Variants in SLC35B4 observed in about 807,000 individuals in gnomAD.
SLC35B4 encodes the protein nucleotide sugar transporter SLC35B4.
A neutral mutation model predicts 39.5 loss-of-function variants in SLC35B4; 28 were observed. The observed-to-expected ratio is 0.71, with a 90% CI of 0.53 to 0.97. The LOEUF (loss-of-function observed/expected upper bound fraction) is 0.97, where lower values mean the gene tolerates loss of function less well. SLC35B4 is among the 50% of genes least tolerant of loss of function. The pLI, the probability that SLC35B4 is intolerant of heterozygous loss-of-function variation, is 0.00. For synonymous variants in SLC35B4, 145 were observed against 150.4 expected, an observed-to-expected ratio of 0.96 and a Z score of 0.26; for missense variants, 334 against 414.3, an observed-to-expected ratio of 0.81 and a Z score of 1.68.
At chr7:134,317,248 C>T (rs554841454), upstream of SLC35B4, among the ~76,000 whole-genome samples, 3 of 152,350 alleles carry the variant, frequency 2.0e-5, no homozygotes, top group African/African-American at 7.2e-5. Context: ...AACTACAGAG[C>T]TGTGACTGCT....
In SLC35B4 at chr7:134,309,469, C is replaced by G; in HGVS notation, c.88G>C (p.Gly30Arg). Residue 30 changes from glycine to arginine, a missense_variant, in exon 2 of 10, where the codon GGA becomes CGA. Coordinates refer to ENST00000378509, the MANE Select transcript of SLC35B4 (RefSeq NM_032826.5). ...GCAAATGTCACAATGTTCCCACATC[C>G]TGGATGCTTCCTGTATAGTGAATAA... ...FLELLARKHP[G>R]CGNIVTFAQF... is the part of the protein sequence containing the mutation. 6.2e-7 allele frequency: 1 copy of G among 1,608,688 alleles called. No individual in the cohort carries two copies. Among genetic ancestry groups the G allele is most frequent in the Non-Finnish European group, 8.5e-7 (1 of 1,178,596 alleles).
intron 1 of SLC35B4, among the ~76,000 whole-genome samples, chr7:134,315,769 A>G (rs1367075461): frequency 6.6e-6 from 1 of 152,196 alleles, no homozygotes; most frequent in Non-Finnish European, 1.5e-5. Flanking sequence ...GTATTGTTTT[A>G]CTGCCAGGAA....
At chr7:134,302,528 A>G (rs939825063) in intron 4 of SLC35B4, among the ~76,000 whole-genome samples, 3 of 152,184 alleles carry the variant, frequency 2.0e-5, no homozygotes, top group Non-Finnish European at 4.4e-5. Flanking sequence ...ACAGGCTATC[A>G]GGTGCAAGCA....
rs1455288166 is a variant in SLC35B4 at position 134,293,298 on chromosome 7, TCA to T, written c.*1533_*1534del. 2.6e-5 allele frequency: 4 copies of T among 152,126 alleles called. No homozygotes were observed. The highest frequency in any genetic ancestry group is 5.9e-5 in the Non-Finnish European group (4 of 68,040). The allele number at this position is 152,126 out of a possible 1,614,324, so 9.4% of individuals were successfully genotyped here. ...GTGCAGCCACTTCCGTGCCCTTTGA[TCA>T]CACACAGACTACACAAGAGCACACA... On this transcript the variant is annotated 3_prime_UTR_variant, in exon 10 of 10. Coordinates refer to ENST00000378509, the MANE Select transcript of SLC35B4 (RefSeq NM_032826.5).
At chr7:134,307,264 T>C (rs1053927047) in intron 2 of SLC35B4, among the ~76,000 whole-genome samples, 5 of 152,108 alleles carry the variant, frequency 3.3e-5, no homozygotes, top group African/African-American at 1.2e-4. Flanking sequence ...GTTTGACTTG[T>C]ACAGATTTTT....
At chr7:134,300,720 C>A (rs1803561416) in intron 6 of SLC35B4, among the ~76,000 whole-genome samples, 2 of 151,882 alleles carry the variant, frequency 1.3e-5, no homozygotes, top group African/African-American at 4.8e-5. Flanking sequence ...TAGGATAAAC[C>A]CTCATAAGTG....
chr7:134,304,990 T>A, intron 3 of SLC35B4, 136 bp from the exon 4 acceptor site: 3 of 686,606 alleles, frequency 4.4e-6, no homozygotes, highest in Non-Finnish European at 7.6e-6. Flanking sequence ...AGTAAAGATT[T>A]AGTTGTTCTT....
rs1488421854 is a variant in SLC35B4 at position 134,292,897 on chromosome 7, A to AACTC, written c.*1932_*1935dup. 6.6e-6 allele frequency: 1 copy of AACTC among 152,160 alleles called. No individual in the cohort carries two copies. The highest frequency in any genetic ancestry group is 1.5e-5 in the Non-Finnish European group (1 of 68,040). The allele number at this position is 152,160 out of a possible 1,614,324, so 9.4% of individuals were successfully genotyped here. The stretch of plus-strand genomic sequence containing the variant: ...CAGAGCAACACATTATTACTCTGTA[A>AACTC]ACTCAGTGATTTAGGTGGAGAAATA... On this transcript the variant is annotated 3_prime_UTR_variant, in exon 10 of 10. Transcript: ENST00000378509.
chr7:134,316,004 T>G (rs967890737), intron 1 of SLC35B4, among the ~76,000 whole-genome samples: 17 of 151,798 alleles, frequency 1.1e-4, no homozygotes, highest in African/African-American at 4.1e-4. Context: ...TTTTTTTTTG[T>G]CTTTTTGCAA....
chr7:134,308,062 A>G (rs189872753), intron 2 of SLC35B4, among the ~76,000 whole-genome samples: 16 of 152,218 alleles, frequency 1.1e-4, no homozygotes, highest in Non-Finnish European at 1.9e-4. Flanking sequence ...ACATGAGCAA[A>G]ATTTTGTTTA....
chr7:134,308,254 G>A (rs1803755498), intron 2 of SLC35B4, among the ~76,000 whole-genome samples: 1 of 152,170 alleles, frequency 6.6e-6, no homozygotes, highest in South Asian at 2.1e-4. Context: ...GAAATTGATG[G>A]ATGAAGAGGT....
chr7:134,301,699 G>A, intron 6 of SLC35B4, 62 bp downstream of exon 6: 1 of 1,459,416 alleles, frequency 6.9e-7, no homozygotes, highest in South Asian at 1.2e-5. Context: ...ATTTCTCTTA[G>A]GAGAAAACTC....
chr7:134,312,980 T>C (rs1803880158), intron 1 of SLC35B4, among the ~76,000 whole-genome samples: 1 of 152,228 alleles, frequency 6.6e-6, no homozygotes, highest in African/African-American at 2.4e-5. Context: ...TTCTTCCTTT[T>C]CCCAGTCCAG....
chr7:134,308,981 T>C (rs550571430), intron 2 of SLC35B4, among the ~76,000 whole-genome samples: 7 of 152,230 alleles, frequency 4.6e-5, no homozygotes, highest in Non-Finnish European at 7.3e-5. Flanking sequence ...ACTACCTCTA[T>C]TTATTTCCAA....
intron 4 of SLC35B4, 118 bp from the exon 5 acceptor site, chr7:134,302,228 G>A (rs1372009486): frequency 6.1e-6 from 5 of 817,990 alleles, no homozygotes; most frequent in African/African-American, 3.5e-5. Context: ...ATGACAGACA[G>A]GATTACTTTC....
chr7:134,318,556 T>C (rs11770764), upstream of SLC35B4, among the ~76,000 whole-genome samples: 53,674 of 151,890 alleles, frequency 0.35, 11,146 homozygotes, highest in South Asian at 0.49. Flanking sequence ...AAGTGGACTA[T>C]CTGGGAGTGA....
At chr7:134,304,925 AG>A (rs2117300480) in intron 3 of SLC35B4, 71 bp from the exon 4 acceptor site, 1 of 1,178,564 alleles carries the variant, frequency 8.5e-7, no homozygotes, top group African/African-American at 1.5e-5. Context: ...TCGAGAGAAT[AG>A]GAACATGGGC....
At position 134,290,155 on chromosome 7, in the gene SLC35B4, CA is replaced by C. The variant is rs1284714814; in HGVS notation, c.*4677del. 2.0e-5 allele frequency: 3 copies of C among 152,186 alleles called. No homozygotes were observed. The highest frequency in any genetic ancestry group is 7.2e-5 in the African/African-American group (3 of 41,444). The allele number at this position is 152,186 out of a possible 1,614,324, so 9.4% of individuals were successfully genotyped here. On this transcript the variant is annotated 3_prime_UTR_variant, in exon 10 of 10. Coordinates refer to ENST00000378509, the MANE Select transcript of SLC35B4 (RefSeq NM_032826.5). ...CTTCTTGCACTTTCTTCCTGAGCATCAAATATGTAAGGTGCTAACTACATAA... is the reference window on the plus strand; with the variant it reads ...CTTCTTGCACTTTCTTCCTGAGCATCAATATGTAAGGTGCTAACTACATAA...
In SLC35B4 at chr7:134,293,785, A is replaced by C. The variant is rs1237879754; in HGVS notation, c.*1048T>G. On this transcript the variant is annotated 3_prime_UTR_variant, in exon 10 of 10. Transcript: ENST00000378509. ...GCTTCAGGGGTGTCCAGTCCATAAC[A>C]ACCTTTCTTTTTTTTTTTTTTTTTT... 2 of 148,630 alleles carry C rather than the reference A, an allele frequency of 1.3e-5. No individual in the cohort carries two copies. Among genetic ancestry groups the C allele is most frequent in the Admixed American group, 1.4e-4 (2 of 14,788 alleles). 9.2% of individuals were successfully genotyped at this position (148,630 alleles called of 1,614,324 possible). A position where few individuals can be genotyped will look rare whatever the true frequency, so the allele number is the denominator to read the frequency against.
Sources: allele counts gnomAD v4.1 joint callset (sites outside exome capture counted in the v4.1 genomes callset), GRCh38; gene constraint gnomAD v4.1.1; transcripts MANE v1.5; gene names NCBI Gene and HGNC (gene_info 2026-07-23, HGNC 2026-07-21).